WDR27: variants seen among roughly 807,000 people sequenced by gnomAD.
WDR27 encodes WD repeat-containing protein 27.
WDR27 carries 100 observed loss-of-function variants against 114.4 expected under a neutral mutation model. The ratio of observed to expected loss-of-function variants is 0.87; its 90% confidence interval spans 0.74 to 1.03. The LOEUF (loss-of-function observed/expected upper bound fraction) is 1.03, where lower values mean the gene tolerates loss of function less well. WDR27 is among the 50% of genes least tolerant of loss of function. The pLI is 0.00. For synonymous variants in WDR27, 449 were observed against 423.1 expected (o/e 1.06, Z -0.75); for missense variants, 1,129 against 1,092.9 (o/e 1.03, Z -0.47).
At chr6:169,439,223 G>T in the WDR27 span, among the ~76,000 whole-genome samples, 1 of 152,110 alleles carries the variant, frequency 6.6e-6, no homozygotes, top group South Asian at 2.1e-4. Flanking sequence ...TTATTGATGT[G>T]AATGCTTTAA....
At chr6:169,455,619 C>A (rs1784317928), downstream of WDR27, among the ~76,000 whole-genome samples, 1 of 152,326 alleles carries the variant, frequency 6.6e-6, no homozygotes, top group East Asian at 1.9e-4. Context: ...TGATCGGAAC[C>A]AGGCAGGGAA....
In WDR27 at chr6:169,659,886, T is replaced by C. The variant is rs867465338; in HGVS notation, c.1130-368A>G. On this transcript the variant is annotated intron_variant, in intron 10 of 25. Transcript: ENST00000448612. The surrounding 1 kb of genome is among the most constrained non-coding windows in gnomAD (Gnocchi z 4.3). ...GTGACCATTTGGGGGAAGGAAAGGC[T>C]GAGTTTTCAAGGAGAAGCTGCGCCT... Among the ~76,000 whole-genome samples the C allele has an allele frequency of 2.0e-4, 30 of 151,802 alleles. No individual in the cohort carries two copies. The highest frequency in any genetic ancestry group is 7.2e-4 in the African/African-American group (30 of 41,384).
chr6:169,533,000 C>A (rs1795776589), intron 25 of WDR27, among the ~76,000 whole-genome samples: 1 of 151,924 alleles, frequency 6.6e-6, no homozygotes, highest in Admixed American at 6.6e-5. Flanking sequence ...GTGTCAGACT[C>A]CCGAGATGTA....
At chr6:169,697,959 C>A (rs536851559) in intron 1 of WDR27, among the ~76,000 whole-genome samples, 2 of 152,282 alleles carry the variant, frequency 1.3e-5, no homozygotes, top group South Asian at 4.1e-4. Context: ...ACCCACTGAC[C>A]CTGCGGGCTG....
At chr6:169,635,714 C>T (rs908376326) in intron 19 of WDR27, among the ~76,000 whole-genome samples, 6 of 152,210 alleles carry the variant, frequency 3.9e-5, no homozygotes, top group African/African-American at 7.2e-5. Flanking sequence ...AGGGCACCTG[C>T]CCCAATTAAC....
chr6:169,620,438 C>T (rs1231477794), intron 21 of WDR27, among the ~76,000 whole-genome samples: 1 of 152,202 alleles, frequency 6.6e-6, no homozygotes, highest in East Asian at 1.9e-4. Context: ...AAATGCGTAT[C>T]TCATTGCTTC....
chr6:169,544,602 T>C (rs886483965), intron 25 of WDR27, among the ~76,000 whole-genome samples: 1 of 152,104 alleles, frequency 6.6e-6, no homozygotes, highest in African/African-American at 2.4e-5. Flanking sequence ...GCCCAGCTAA[T>C]TTTTGTATTT....
intron 21 of WDR27, among the ~76,000 whole-genome samples, chr6:169,629,708 C>A (rs1212236496): frequency 1.3e-5 from 2 of 151,998 alleles, no homozygotes; most frequent in African/African-American, 4.8e-5. Flanking sequence ...AGGCAGATCA[C>A]CTGAGGTGAG....
chr6:169,604,238 C>A (rs1162405120), intron 22 of WDR27, among the ~76,000 whole-genome samples: 1 of 151,998 alleles, frequency 6.6e-6, no homozygotes, highest in Non-Finnish European at 1.5e-5. Flanking sequence ...AAAATGAAAT[C>A]TAAGTAAACA....
chr6:169,688,863 T>A lies in WDR27; in HGVS notation c.143A>T (p.Asp48Val). 6.2e-7 allele frequency: 1 copy of A among 1,613,296 alleles called. No individual in the cohort carries two copies. The highest frequency in any genetic ancestry group is 8.5e-7 in the Non-Finnish European group (1 of 1,179,714). Residue 48 changes from aspartate (D) to valine (V), a missense_variant, in exon 2 of 26, where the codon GAT becomes GTT. Coordinates refer to ENST00000448612, the MANE Select transcript of WDR27 (RefSeq NM_182552.5). ...GTTCCATATACAAAGTTCAGTTCCA[T>A]CCAAAGGGAAAGCACAGTCCTGCAT... ...CSMQDCAFPL[D>V]GTELCIWNTK... is the part of the protein sequence containing the mutation.
chr6:169,479,664 A>G (rs575079950), intron 25 of WDR27, among the ~76,000 whole-genome samples: 1 of 152,380 alleles, frequency 6.6e-6, no homozygotes, highest in Admixed American at 6.5e-5. Context: ...TGTGCACATT[A>G]GCTGCTTTAT....
chr6:169,438,427 T>A, the WDR27 span, among the ~76,000 whole-genome samples: 1 of 151,846 alleles, frequency 6.6e-6, no homozygotes, highest in Non-Finnish European at 1.5e-5. Context: ...TTAGTAGAGA[T>A]GGGGTTTCAC....
intron 25 of WDR27, among the ~76,000 whole-genome samples, chr6:169,494,305 C>G (rs1003399720): frequency 1.3e-5 from 2 of 152,116 alleles, no homozygotes; most frequent in Non-Finnish European, 2.9e-5. Flanking sequence ...GTAAAAGGAA[C>G]CTCCTCCTGC....
intron 23 of WDR27, among the ~76,000 whole-genome samples, chr6:169,594,050 G>T (rs550814148): frequency 6.6e-6 from 1 of 152,102 alleles, no homozygotes; most frequent in African/African-American, 2.4e-5. Flanking sequence ...TTTTAAAAAC[G>T]TCTGTGATAT....
intron 25 of WDR27, among the ~76,000 whole-genome samples, chr6:169,541,401 C>G (rs937473198): frequency 6.6e-6 from 1 of 152,202 alleles, no homozygotes. Context: ...ATTGATAATT[C>G]TCTATGGGGA....
At chr6:169,665,820 C>T (rs1005988563) in intron 6 of WDR27, among the ~76,000 whole-genome samples, 8 of 152,316 alleles carry the variant, frequency 5.3e-5, no homozygotes, top group African/African-American at 1.4e-4. Flanking sequence ...AGATGGGTCC[C>T]GAGGAATCCC....
intron 21 of WDR27, among the ~76,000 whole-genome samples, chr6:169,616,342 G>T (rs1811822554): frequency 6.6e-6 from 1 of 152,062 alleles, no homozygotes; most frequent in African/African-American, 2.4e-5. Flanking sequence ...ACAAAAATTA[G>T]CTGGGTGTGG....
chr6:169,629,927 CAAA>C (rs747455041), intron 21 of WDR27, among the ~76,000 whole-genome samples: 3 of 52,416 alleles, frequency 5.7e-5, no homozygotes, highest in Non-Finnish European at 1.2e-4. Context: ...AACTTCATCT[CAAA>C]AAAAAAAAAA....
chr6:169,497,101 T>A (rs977942762), intron 25 of WDR27, among the ~76,000 whole-genome samples: 1 of 151,928 alleles, frequency 6.6e-6, no homozygotes, highest in African/African-American at 2.4e-5. Flanking sequence ...TATAGACCAA[T>A]AGAATTAAAT....
Sources: gnomAD v4.1 joint callset for allele counts (sites outside exome capture counted in the v4.1 genomes callset) on GRCh38, gnomAD v4.1.1 for gene constraint, Gnocchi (gnomAD v3.1) non-coding constraint, MANE v1.5 for transcripts, NCBI Gene and HGNC (gene_info 2026-07-23, HGNC 2026-07-21) for gene names.